Variants in DEUP1 observed in about 807,000 individuals in gnomAD.
DEUP1 encodes the protein coiled-coil domain containing 67.
A neutral mutation model predicts 87.4 loss-of-function variants in DEUP1; 82 were observed. That is an observed-to-expected ratio of 0.94 (90% confidence interval 0.78 to 1.13). The LOEUF (loss-of-function observed/expected upper bound fraction) is 1.13. Ranked by LOEUF, DEUP1 falls within the 50% of genes most tolerant of loss-of-function variation. The probability of loss-of-function intolerance (pLI) is 0.00; values close to 1 mark genes in which losing one functional copy is unlikely to be tolerated. For synonymous variants in DEUP1, 214 were observed against 222.7 expected (o/e 0.96, Z 0.35); for missense variants, 663 against 681.5 (o/e 0.97, Z 0.30).
At chr11:93,334,696 T>C (rs1455228026) in intron 2 of DEUP1, among the ~76,000 whole-genome samples, 1 of 152,234 alleles carries the variant, frequency 6.6e-6, no homozygotes, top group African/African-American at 2.4e-5. Flanking sequence ...TATTCTCTGA[T>C]ATCATGGTTA....
chr11:93,354,712 A>G (rs1265224859), intron 2 of DEUP1, among the ~76,000 whole-genome samples: 1 of 152,202 alleles, frequency 6.6e-6, no homozygotes, highest in Non-Finnish European at 1.5e-5. Flanking sequence ...AGATCTCATG[A>G]GACTTAGTCA....
chr11:93,387,919 CAT>C (rs986308814), intron 8 of DEUP1, among the ~76,000 whole-genome samples: 4 of 151,974 alleles, frequency 2.6e-5, no homozygotes, highest in Admixed American at 6.6e-5. Context: ...TCTTTGCACA[CAT>C]ATATGCATAG....
At chr11:93,413,241 AT>A (rs11331603) in intron 12 of DEUP1, among the ~76,000 whole-genome samples, 81,626 of 117,804 alleles carry the variant, frequency 0.69, 26,379 homozygotes, top group East Asian at 0.81. Flanking sequence ...GTCTTTGATG[AT>A]TTTTTTTTTT....
chr11:93,385,494 G>A lies in DEUP1; in HGVS notation c.886G>A (p.Glu296Lys). Residue 296 changes from glutamate (E) to lysine (K), a missense_variant, in exon 8 of 14, where the codon GAA (glutamate) becomes AAA (lysine). By Grantham distance (56) the Glu-to-Lys change is moderately conservative. Coordinates refer to ENST00000298050, the MANE Select transcript of DEUP1 (RefSeq NM_181645.4). ...AATGGAACGATTGCAATTACACAGA[G>A]AATTATTAAAAATAGGAGAGTGCCA... ...IEMERLQLHRELLKIGECQNA... is the reference protein window; with the variant it reads ...IEMERLQLHRKLLKIGECQNA... 1.9e-6 allele frequency: 3 copies of A among 1,610,646 alleles called. No homozygotes were observed. The highest frequency in any genetic ancestry group is 2.2e-5 in the East Asian group (1 of 44,736).
chr11:93,416,874 T>C (rs1453689899), intron 13 of DEUP1, among the ~76,000 whole-genome samples: 12 of 151,998 alleles, frequency 7.9e-5, no homozygotes, highest in African/African-American at 2.2e-4. Flanking sequence ...GCTGGTTCAA[T>C]ATACGCAAAT....
intron 7 of DEUP1, among the ~76,000 whole-genome samples, chr11:93,383,151 A>T (rs1451300212): frequency 6.6e-6 from 1 of 152,238 alleles, no homozygotes; most frequent in Admixed American, 6.5e-5. Context: ...TGTCCACATA[A>T]GAGCTTATAC....
intron 2 of DEUP1, among the ~76,000 whole-genome samples, chr11:93,352,864 A>G (rs1944694349): frequency 6.6e-6 from 1 of 152,182 alleles, no homozygotes; most frequent in Non-Finnish European, 1.5e-5. Flanking sequence ...GGTCTCTTCC[A>G]CAACACATGG....
chr11:93,398,168 G>A (rs774022535), intron 11 of DEUP1, among the ~76,000 whole-genome samples: 18 of 152,010 alleles, frequency 1.2e-4, no homozygotes, highest in African/African-American at 3.9e-4. Context: ...ATCATAACAC[G>A]TACTTCTCTG....
intron 6 of DEUP1, 127 bp from the exon 7 acceptor site, chr11:93,370,911 C>T: frequency 1.2e-6 from 1 of 840,482 alleles, no homozygotes; most frequent in Non-Finnish European, 1.8e-6. Flanking sequence ...TTACAAAGAC[C>T]CAACTTTCAT....
chr11:93,371,569 C>A (rs1945731157), intron 7 of DEUP1, among the ~76,000 whole-genome samples: 1 of 152,080 alleles, frequency 6.6e-6, no homozygotes, highest in Admixed American at 6.5e-5. Flanking sequence ...CCATGTACTA[C>A]CCTCTTCCCC....
chr11:93,401,025 T>C (rs184421455), intron 11 of DEUP1, among the ~76,000 whole-genome samples: 1 of 152,252 alleles, frequency 6.6e-6, no homozygotes, highest in African/African-American at 2.4e-5. Flanking sequence ...TCACAGACGA[T>C]ATGATCTTAT....
At chr11:93,410,347 C>T (rs1217852809) in intron 12 of DEUP1, among the ~76,000 whole-genome samples, 2 of 152,132 alleles carry the variant, frequency 1.3e-5, no homozygotes, top group Admixed American at 6.5e-5. Flanking sequence ...AAAGAGGTCG[C>T]TGGGCATGGC....
chr11:93,430,624 T>G (rs1442104436), intron 13 of DEUP1, among the ~76,000 whole-genome samples: 1 of 152,056 alleles, frequency 6.6e-6, no homozygotes, highest in Non-Finnish European at 1.5e-5. Flanking sequence ...GAGTACAGAG[T>G]TTTCATTACG....
At chr11:93,373,633 A>ATTTATATACG (rs1565316421) in intron 7 of DEUP1, among the ~76,000 whole-genome samples, 1 of 144,938 alleles carries the variant, frequency 6.9e-6, no homozygotes, top group African/African-American at 2.5e-5. Context: ...ACGTATATAT[A>ATTTATATACG]TATATATATA....
chr11:93,397,596 A>G (rs1339512979), intron 11 of DEUP1, among the ~76,000 whole-genome samples: 1 of 151,908 alleles, frequency 6.6e-6, no homozygotes, highest in African/African-American at 2.4e-5. Context: ...TAGGTGTTTG[A>G]CTTTGTTCAC....
intron 4 of DEUP1, among the ~76,000 whole-genome samples, chr11:93,361,382 A>G (rs927628115): frequency 2.6e-5 from 4 of 152,138 alleles, no homozygotes; most frequent in African/African-American, 7.2e-5. Flanking sequence ...GGGAAATGCA[A>G]TAGACTTTCC....
At chr11:93,345,621 C>G (rs868251052) in intron 2 of DEUP1, among the ~76,000 whole-genome samples, 2 of 152,142 alleles carry the variant, frequency 1.3e-5, no homozygotes, top group Admixed American at 6.5e-5. Context: ...TAATGTTGAG[C>G]CTTTTTTCAT....
intron 8 of DEUP1, among the ~76,000 whole-genome samples, chr11:93,385,920 G>A (rs1946523819): frequency 6.6e-6 from 1 of 151,878 alleles, no homozygotes; most frequent in Non-Finnish European, 1.5e-5. Context: ...GGGCATGGGG[G>A]CACACACCTG....
rs549563067 is a variant in DEUP1, at chr11:93,350,777, C to A, written c.30-4594C>A. On this transcript the variant is annotated intron_variant, in intron 2 of 13. Coordinates refer to ENST00000298050, the MANE Select transcript of DEUP1 (RefSeq NM_181645.4). ...CCAGCCTGGCCAACATGATGAAACC[C>A]CGTCTCTACTAAAAATAGAAAAAAA... 7.8e-4 allele frequency among the ~76,000 whole-genome samples: 119 copies of A among 151,636 alleles called. 1 individual carries two copies. The highest frequency in any genetic ancestry group is 4.8e-3 in the South Asian group (23 of 4,782).
Sources: gnomAD v4.1 joint callset for allele counts (sites outside exome capture counted in the v4.1 genomes callset) on GRCh38, gnomAD v4.1.1 for gene constraint, MANE v1.5 for transcripts, NCBI Gene and HGNC (gene_info 2026-07-23, HGNC 2026-07-21) for gene names.